The following EXOC2 variants were observed in gnomAD, a reference collection of about 807,000 sequenced individuals.
EXOC2 encodes exocyst complex component 2.
EXOC2 carries 70 observed loss-of-function variants against 131.8 expected under a neutral mutation model. That is an observed-to-expected ratio of 0.53 (90% confidence interval 0.44 to 0.65). The LOEUF is 0.65. Ranked by LOEUF, EXOC2 falls within the 30% of genes least tolerant of loss-of-function variation. The pLI, the probability that EXOC2 is intolerant of heterozygous loss-of-function variation, is 0.00. For synonymous variants in EXOC2, 411 were observed against 398.4 expected (o/e 1.03, Z -0.38); for missense variants, 923 against 1,108.6 (o/e 0.83, Z 2.38).
At chr6:661,866 G>A (rs943014428) in intron 1 of EXOC2, among the ~76,000 whole-genome samples, 4 of 152,160 alleles carry the variant, frequency 2.6e-5, no homozygotes, top group Admixed American at 2.6e-4. Flanking sequence ...ACCACAGAAT[G>A]GATAAGAACT....
intron 7 of EXOC2, among the ~76,000 whole-genome samples, chr6:603,628 T>C (rs1355791348): frequency 6.6e-6 from 1 of 152,126 alleles, no homozygotes; most frequent in Non-Finnish European, 1.5e-5. Flanking sequence ...TTTTTTTGAA[T>C]GCATGTTGTG....
chr6:680,930 G>A (rs1764375935), intron 1 of EXOC2, among the ~76,000 whole-genome samples: 1 of 152,118 alleles, frequency 6.6e-6, no homozygotes, highest in Non-Finnish European at 1.5e-5. Flanking sequence ...CAGATCTGGG[G>A]ATGCACGGGC....
intron 1 of EXOC2, among the ~76,000 whole-genome samples, chr6:652,034 C>T (rs569922398): frequency 1.1e-3 from 155 of 147,022 alleles, no homozygotes; most frequent in African/African-American, 3.3e-3. Context: ...CCAGCCTGGG[C>T]GACAGAGTGA....
intron 1 of EXOC2, among the ~76,000 whole-genome samples, chr6:671,671 T>A (rs1188003021): frequency 6.6e-6 from 1 of 152,226 alleles, no homozygotes; most frequent in African/African-American, 2.4e-5. Flanking sequence ...TGGAAAAAGT[T>A]TATTTCTCCT....
chr6:679,056 T>C (rs1279232969), intron 1 of EXOC2: 1 of 152,064 alleles, frequency 6.6e-6, no homozygotes, highest in Non-Finnish European at 1.5e-5. Flanking sequence ...ATATTACAGC[T>C]GTTGGGGTGG....
intron 10 of EXOC2, among the ~76,000 whole-genome samples, chr6:596,918 T>C (rs1038956190): frequency 6.6e-6 from 1 of 152,210 alleles, no homozygotes; most frequent in Non-Finnish European, 1.5e-5. Flanking sequence ...AACCCTGACA[T>C]AAACTACATG....
At position 565,836 on chromosome 6, in the gene EXOC2, GTA is replaced by G. The variant is rs566166021; in HGVS notation, c.1444-909_1444-908del. ...AAATACAAGCAATGTTATGCACGTT[GTA>G]TATATATTTATTTCTGTATAAGCTA... is the stretch of plus-strand genomic sequence containing the variant. On this transcript the variant is annotated intron_variant, in intron 13 of 27. Coordinates refer to ENST00000230449, the MANE Select transcript of EXOC2 (RefSeq NM_018303.6). 1.2e-4 allele frequency among the ~76,000 whole-genome samples: 19 copies of G among 152,194 alleles called. No individual in the cohort carries two copies. In the East Asian group the frequency reaches 3.7e-3, roughly 29 times the overall value.
intron 23 of EXOC2, among the ~76,000 whole-genome samples, chr6:527,584 C>T (rs907826698): frequency 1.3e-5 from 2 of 152,256 alleles, no homozygotes; most frequent in Non-Finnish European, 2.9e-5. Flanking sequence ...TGCTCTGGCA[C>T]ACCACTGACG....
chr6:675,106 T>A (rs1196538354), intron 1 of EXOC2, among the ~76,000 whole-genome samples: 1 of 152,196 alleles, frequency 6.6e-6, no homozygotes, highest in Non-Finnish European at 1.5e-5. Context: ...GCTTCCTGTG[T>A]GGTGCGGCTT....
chr6:559,168 G>A (rs1030970784), intron 17 of EXOC2, among the ~76,000 whole-genome samples: 2 of 152,146 alleles, frequency 1.3e-5, no homozygotes, highest in African/African-American at 4.8e-5. Flanking sequence ...AAATTGAAAA[G>A]AGGCAGAAAC....
chr6:492,214 G>GTATC (rs1763476176), intron 25 of EXOC2, among the ~76,000 whole-genome samples: 1 of 152,174 alleles, frequency 6.6e-6, no homozygotes, highest in African/African-American at 2.4e-5. Context: ...ACAGAATGAG[G>GTATC]TATCACTTCA....
At chr6:566,032 A>G (rs1757946970) in intron 13 of EXOC2, among the ~76,000 whole-genome samples, 1 of 152,236 alleles carries the variant, frequency 6.6e-6, no homozygotes, top group African/African-American at 2.4e-5. Context: ...ATTCATTTTT[A>G]AATTTTATAT....
chr6:522,505 G>T (rs1433078788), intron 23 of EXOC2, among the ~76,000 whole-genome samples: 2 of 151,906 alleles, frequency 1.3e-5, no homozygotes, highest in Non-Finnish European at 2.9e-5. Flanking sequence ...GCTGAACTGG[G>T]CTGGGCTCAA....
chr6:508,075 C>A (rs986399690), intron 23 of EXOC2, among the ~76,000 whole-genome samples: 1 of 152,218 alleles, frequency 6.6e-6, no homozygotes, highest in Non-Finnish European at 1.5e-5. Context: ...AGATGTTACA[C>A]ATTCTCTTCT....
At chr6:523,087 G>T (rs1194271654) in intron 23 of EXOC2, among the ~76,000 whole-genome samples, 1 of 152,244 alleles carries the variant, frequency 6.6e-6, no homozygotes, top group East Asian at 1.9e-4. Context: ...AAAAAAATCT[G>T]TTCTGACAGG....
chr6:634,623 G>T (rs1360686684), intron 2 of EXOC2, among the ~76,000 whole-genome samples: 1 of 152,064 alleles, frequency 6.6e-6, no homozygotes, highest in Admixed American at 6.6e-5. Context: ...AAGATACATT[G>T]CTTGAAATAA....
intron 23 of EXOC2, among the ~76,000 whole-genome samples, chr6:505,039 ACTGT>A (rs2127493813): frequency 6.6e-6 from 1 of 152,320 alleles, no homozygotes; most frequent in South Asian, 2.1e-4. Context: ...TCCTGCCATG[ACTGT>A]CTAGCTGCTG....
chr6:494,503 A>G (rs1277942414), intron 25 of EXOC2, among the ~76,000 whole-genome samples: 1 of 151,658 alleles, frequency 6.6e-6, no homozygotes, highest in African/African-American at 2.4e-5. Flanking sequence ...GAAGTGTGGC[A>G]TTTGATGAGT....
intron 23 of EXOC2, among the ~76,000 whole-genome samples, chr6:521,326 G>A (rs1339847864): frequency 6.8e-6 from 1 of 147,684 alleles, no homozygotes; most frequent in Non-Finnish European, 1.5e-5. Context: ...AAACCACCAC[G>A]CACTGAGTGC....
Sources: allele counts gnomAD v4.1 joint callset (sites outside exome capture counted in the v4.1 genomes callset), GRCh38; gene constraint gnomAD v4.1.1; transcripts MANE v1.5; gene names NCBI Gene and HGNC (gene_info 2026-07-23, HGNC 2026-07-21).